CLASP1: variants seen among roughly 807,000 people sequenced by gnomAD.
CLASP1 encodes CLIP-associating protein 1.
Under a neutral mutation model 192.3 loss-of-function variants are expected in CLASP1, and 38 were observed. The ratio of observed to expected loss-of-function variants is 0.20; its 90% CI spans 0.15 to 0.26. CLASP1 has a LOEUF of 0.26. Ranked by LOEUF, CLASP1 falls within the 10% of genes least tolerant of loss-of-function variation. CLASP1 has a pLI of 1.00. For synonymous variants in CLASP1, 691 were observed against 712.8 expected, an observed-to-expected ratio of 0.97 and a Z score of 0.49; for missense variants, 1,433 against 1,932.5, an observed-to-expected ratio of 0.74 and a Z score of 4.85.
At chr2:121,466,107 T>C (rs566826154) in intron 9 of CLASP1, among the ~76,000 whole-genome samples, 1 of 152,170 alleles carries the variant, frequency 6.6e-6, no homozygotes, top group South Asian at 2.1e-4. Context: ...TACCCAAGAA[T>C]AGTTCAAGAA....
chr2:121,611,522 A>C (rs1367803836), intron 1 of CLASP1, among the ~76,000 whole-genome samples: 2 of 116,240 alleles, frequency 1.7e-5, no homozygotes, highest in Admixed American at 8.3e-5. Flanking sequence ...GAGGAGGAGG[A>C]GTTGGAGGAG....
At position 121,470,293 on chromosome 2, in the gene CLASP1, C is replaced by CTTTTTTTTTT. The variant is rs70954550; in HGVS notation, c.713-343_713-334dup. 5.1e-4 allele frequency: 158 copies of CTTTTTTTTTT among 309,064 alleles called. 23 individuals are homozygous for CTTTTTTTTTT. The highest frequency in any genetic ancestry group is 1.3e-3 in the Middle Eastern group (1 of 762). The allele number at this position is 309,064 out of a possible 1,614,324, so 19.1% of individuals were successfully genotyped here. A position where few individuals can be genotyped will look rare whatever the true frequency, so the allele number is the denominator to read the frequency against. On this transcript the variant is annotated intron_variant, in intron 8 of 39. Coordinates refer to ENST00000263710, the Ensembl canonical transcript of CLASP1. The stretch of plus-strand genomic sequence containing the variant: ...TCTGCAACATTTCTGACCATCCATG[C>CTTTTTTTTTT]TTTTTTTTTTTTTTTTTTTTTTTTT...
intron 2 of CLASP1, chr2:121,530,740 G>C (rs926309785): frequency 3.8e-6 from 2 of 525,066 alleles, no homozygotes; most frequent in Non-Finnish European, 3.4e-6. Flanking sequence ...AGAAAACAAA[G>C]AATTGGGGTG....
rs779119342 is a variant in CLASP1, at chr2:121,365,307, C to T, written c.3887-23G>A. 7.5e-6 allele frequency: 12 copies of T among 1,599,408 alleles called. No homozygotes were observed. In the African/African-American group the frequency reaches 1.1e-4, roughly 14 times the overall value. On this transcript the variant is annotated intron_variant, in intron 35 of 39. Coordinates refer to ENST00000263710, the Ensembl canonical transcript of CLASP1. Reference sequence around the variant, plus strand: ...GCACTGGTGAAACACACCAGACATACGTCACCTCGTGAGGAAATGCCCAGC... The same window carrying T: ...GCACTGGTGAAACACACCAGACATATGTCACCTCGTGAGGAAATGCCCAGC...
chr2:121,484,020 A>G (rs1274175074), intron 8 of CLASP1, among the ~76,000 whole-genome samples: 1 of 152,232 alleles, frequency 6.6e-6, no homozygotes, highest in Non-Finnish European at 1.5e-5. Context: ...ACACAACTGC[A>G]GGCTAAAAAC....
chr2:121,473,324 C>T (rs143403664), intron 8 of CLASP1, among the ~76,000 whole-genome samples: 177 of 152,176 alleles, frequency 1.2e-3, no homozygotes, highest in East Asian at 4.1e-3. Context: ...GAAAATTTCA[C>T]TGATTGAGAT....
At chr2:121,492,665 T>TAAAA (rs1182071982) in intron 8 of CLASP1, among the ~76,000 whole-genome samples, 1 of 122,900 alleles carries the variant, frequency 8.1e-6, no homozygotes, top group African/African-American at 4.1e-5. Flanking sequence ...TGACTACAAT[T>TAAAA]AAAAAAAATA....
intron 1 of CLASP1, among the ~76,000 whole-genome samples, chr2:121,616,093 T>C (rs1356905468): frequency 6.6e-6 from 1 of 152,140 alleles, no homozygotes; most frequent in Non-Finnish European, 1.5e-5. Context: ...TAATATTCCA[T>C]ACCAGAGTAT....
intron 2 of CLASP1, among the ~76,000 whole-genome samples, chr2:121,556,064 A>G (rs994754944): frequency 8.2e-6 from 1 of 122,520 alleles, no homozygotes; most frequent in African/African-American, 3.2e-5. Context: ...GCTCACTGTC[A>G]CCTCTGCCTC....
chr2:121,527,947 A>G (rs560643114), intron 4 of CLASP1, 57 bp from the exon 5 acceptor site: 1 of 1,395,540 alleles, frequency 7.2e-7, no homozygotes, highest in Non-Finnish European at 1.0e-6. Context: ...CTGACACTTT[A>G]TAAGGGAGCA....
chr2:121,639,418 T>C (rs2071585249), intron 1 of CLASP1, among the ~76,000 whole-genome samples: 1 of 152,172 alleles, frequency 6.6e-6, no homozygotes, highest in Admixed American at 6.5e-5. Context: ...GATCAGAGGT[T>C]ACCAGGTGCT....
intron 37 of CLASP1, among the ~76,000 whole-genome samples, chr2:121,359,514 T>C (rs1261233607): frequency 2.0e-5 from 3 of 152,130 alleles, no homozygotes; most frequent in Non-Finnish European, 4.4e-5. Context: ...CAAATTCTAA[T>C]ATAAGAAGAG....
intron 2 of CLASP1, 48 bp downstream of exon 2, chr2:121,605,653 C>T (rs1226404344): frequency 4.8e-6 from 7 of 1,445,674 alleles, no homozygotes; most frequent in Non-Finnish European, 6.8e-6. Flanking sequence ...TTTGATCTAC[C>T]AGTGCAGCCC....
chr2:121,458,903 T>C, exon 13 of CLASP1: 1 of 1,612,896 alleles, frequency 6.2e-7, no homozygotes, highest in Non-Finnish European at 8.5e-7. Flanking sequence ...TGTTTGGAAT[T>C]AAATTAAAGA....
chr2:121,344,928 CAGG>C (rs1011001590), intron 39 of CLASP1, among the ~76,000 whole-genome samples: 5 of 152,148 alleles, frequency 3.3e-5, no homozygotes, highest in Non-Finnish European at 7.4e-5. Flanking sequence ...GAAGCCAAGG[CAGG>C]AGGATCACCT....
At position 121,582,282 on chromosome 2, in the gene CLASP1, AGAGAGAGAGAGAAAGAGAAAGG is replaced by A. The variant is rs1321618896; in HGVS notation, c.195+23397_195+23418del. ...ACAGAACAGGACAGGAAAGGGAGAG[AGAGAGAGAGAGAAAGAGAAAGG>A]GAGAGAGAGAGAAAGAGAAAGGGAG... is the stretch of plus-strand genomic sequence containing the variant. On this transcript the variant is annotated intron_variant, in intron 2 of 39. Coordinates refer to ENST00000263710, the Ensembl canonical transcript of CLASP1. 1.7e-4 allele frequency among the ~76,000 whole-genome samples: 25 copies of A among 151,178 alleles called. No individual in the cohort carries two copies. In the South Asian group the frequency reaches 1.7e-3, roughly 10 times the overall value.
At chr2:121,543,404 T>A (rs532387823) in intron 2 of CLASP1, among the ~76,000 whole-genome samples, 2 of 152,250 alleles carry the variant, frequency 1.3e-5, no homozygotes, top group African/African-American at 4.8e-5. Flanking sequence ...ATTTGCAATC[T>A]CTCTCATCCA....
At position 121,551,847 on chromosome 2, in the gene CLASP1, T is replaced by A. The variant is rs117929249; in HGVS notation, c.196-21522A>T. ...CATTCTTCAAAGAACTAGAAAAAAA[T>A]ATTTTAAAATTCATATGGAACCAGA... On this transcript the variant is annotated intron_variant, in intron 2 of 39. Transcript: ENST00000263710. Among the ~76,000 whole-genome samples the A allele has an allele frequency of 3.0e-4, 45 of 152,038 alleles. 3 individuals are homozygous for A. The East Asian group carries it at 8.7e-3, about 29-fold the overall frequency.
At chr2:121,387,811 G>A (rs2073590008) in exon 31 of CLASP1, 2 of 1,613,708 alleles carry the variant, frequency 1.2e-6, no homozygotes, top group Non-Finnish European at 8.5e-7. Flanking sequence ...GGAGTTTGGT[G>A]GCACCATCCT....
Sources: allele counts gnomAD v4.1 joint callset (sites outside exome capture counted in the v4.1 genomes callset), GRCh38; gene constraint gnomAD v4.1.1; transcripts MANE v1.5; gene names NCBI Gene and HGNC (gene_info 2026-07-23, HGNC 2026-07-21).